Variants in GRIP1 observed in about 807,000 individuals in gnomAD.
The protein encoded by GRIP1 is glutamate receptor interacting protein 1.
A neutral mutation model predicts 129.9 loss-of-function variants in GRIP1; 45 were observed. The ratio of observed to expected loss-of-function variants is 0.35; its 90% CI spans 0.27 to 0.44. GRIP1 has a LOEUF of 0.44. GRIP1 is among the 20% of genes least tolerant of loss of function. The pLI is 1.00. For missense variants in GRIP1, 1,196 were observed against 1,396.8 expected, an observed-to-expected ratio of 0.86 and a Z score of 2.29; for synonymous variants, 530 against 520.8, an observed-to-expected ratio of 1.02 and a Z score of -0.24.
intron 1 of GRIP1, among the ~76,000 whole-genome samples, chr12:66,771,395 C>A (rs138037900): frequency 5.3e-5 from 8 of 152,286 alleles, no homozygotes; most frequent in African/African-American, 1.2e-4. Flanking sequence ...CAAGACCTTG[C>A]ACAGACACAA....
chr12:66,515,492 A>G (rs2060818605), intron 7 of GRIP1, 127 bp downstream of exon 7: 7 of 875,992 alleles, frequency 8.0e-6, no homozygotes, highest in Middle Eastern at 2.2e-4. Context: ...GTAAAATGAT[A>G]TAGTATTTAT....
At chr12:66,984,302 T>A (rs1304166550) in intron 1 of GRIP1, among the ~76,000 whole-genome samples, 1 of 152,150 alleles carries the variant, frequency 6.6e-6, no homozygotes, top group African/African-American at 2.4e-5. Flanking sequence ...CGAAGATAAA[T>A]CTGGAACTAG....
At chr12:66,868,699 C>A (rs1468641410) in intron 1 of GRIP1, among the ~76,000 whole-genome samples, 1 of 151,998 alleles carries the variant, frequency 6.6e-6, no homozygotes, top group East Asian at 1.9e-4. Flanking sequence ...TGAGTCCTTA[C>A]TGTGGCCATT....
chr12:66,455,599 T>A (rs754067890), intron 10 of GRIP1, 35 bp from the exon 11 acceptor site: 3 of 1,603,352 alleles, frequency 1.9e-6, no homozygotes, highest in South Asian at 1.1e-5. Context: ...CAGAGCACTC[T>A]CAGGTGAGGT....
rs372286482 is a variant in GRIP1 at position 66,445,344 on chromosome 12, C to T, written c.1519G>A (p.Glu507Lys). Residue 507 changes from glutamate to lysine, a missense_variant, in exon 12 of 25, where the codon GAA (glutamate) becomes AAA (lysine). Physicochemically the swap from Glu to Lys is moderately conservative, Grantham distance 56 (BLOSUM62 1). Around this residue, in one of 5 missense-constraint regions of GRIP1, gnomAD observed 508 missense variants for 587.0 expected, o/e 0.87. Transcript: ENST00000359742. The part of the protein sequence containing the change: ...LSSPPLISYI[E>K]ADSPAERCGV... ...CACCTCTCTGCTGGGCTGTCAGCTTCGATATAGGAAATCAGAGGTGGAGAA... is the reference window on the plus strand; with the variant it reads ...CACCTCTCTGCTGGGCTGTCAGCTTTGATATAGGAAATCAGAGGTGGAGAA... 1.4e-4 allele frequency: 233 copies of T among 1,613,988 alleles called. No individual in the cohort carries two copies. Among genetic ancestry groups the T allele is most frequent in the Non-Finnish European group, 1.8e-4 (218 of 1,179,988 alleles).
intron 1 of GRIP1, among the ~76,000 whole-genome samples, chr12:66,706,085 C>G (rs1296356664): frequency 6.6e-6 from 1 of 152,138 alleles, no homozygotes; most frequent in Admixed American, 6.5e-5. Flanking sequence ...AGCTTCTGCA[C>G]AGCAAAAGAA....
At chr12:66,369,262 G>C (rs973433998) in intron 23 of GRIP1, among the ~76,000 whole-genome samples, 2 of 150,466 alleles carry the variant, frequency 1.3e-5, no homozygotes, top group Non-Finnish European at 3.0e-5. Context: ...CTGCCACACA[G>C]ATGTTCCAAC....
intron 2 of GRIP1, among the ~76,000 whole-genome samples, chr12:66,580,924 GA>G (rs1321709861): frequency 1.3e-5 from 2 of 151,966 alleles, no homozygotes; most frequent in Non-Finnish European, 2.9e-5. Context: ...GACATCTACA[GA>G]ACTCTCCACC....
intron 7 of GRIP1, among the ~76,000 whole-genome samples, chr12:66,475,672 A>T (rs1415848961): frequency 6.6e-6 from 1 of 152,146 alleles, no homozygotes; most frequent in Non-Finnish European, 1.5e-5. Context: ...GGATTAAGAA[A>T]CTCACTCAAA....
At chr12:67,021,365 G>T (rs1022914010) in intron 1 of GRIP1, among the ~76,000 whole-genome samples, 1 of 152,122 alleles carries the variant, frequency 6.6e-6, no homozygotes, top group Admixed American at 6.5e-5. Context: ...ATGAGATCAT[G>T]CAGTAAACAT....
At chr12:66,367,702 C>T (rs2055232745) in intron 23 of GRIP1, among the ~76,000 whole-genome samples, 1 of 152,186 alleles carries the variant, frequency 6.6e-6, no homozygotes, top group Admixed American at 6.5e-5. Context: ...GTTTCATTCA[C>T]ATATATGAGT....
At chr12:66,473,108 A>G (rs2059488020) in intron 7 of GRIP1, among the ~76,000 whole-genome samples, 1 of 152,058 alleles carries the variant, frequency 6.6e-6, no homozygotes, top group South Asian at 2.1e-4. Flanking sequence ...ATAGCAGTCT[A>G]GAGTCGACTT....
chr12:66,419,966 G>A (rs907674598), intron 15 of GRIP1, among the ~76,000 whole-genome samples: 3 of 152,150 alleles, frequency 2.0e-5, no homozygotes, highest in African/African-American at 7.2e-5. Flanking sequence ...GCATGGCGGT[G>A]TGCACCTGTA....
intron 7 of GRIP1, among the ~76,000 whole-genome samples, chr12:66,474,191 T>C (rs932122068): frequency 6.6e-6 from 1 of 151,798 alleles, no homozygotes; most frequent in African/African-American, 2.4e-5. Context: ...CATACGGAAG[T>C]ATCAATAGCC....
Position 66,925,592 on chromosome 12 carries a change from A to G in GRIP1, c.58+143458T>C, listed in dbSNP as rs137876636. 3.0e-3 allele frequency among the ~76,000 whole-genome samples: 460 copies of G among 152,358 alleles called. 4 individuals carry two copies. Among genetic ancestry groups the G allele is most frequent in the African/African-American group, 0.01 (433 of 41,590 alleles). ...AACCTGGAGAATATACTACGAATAT[A>G]GATTATACTATAATCTACTACAATA... On this transcript the variant is annotated intron_variant, in intron 1 of 1. Coordinates refer to the GRIP1 transcript ENST00000643019.
intron 1 of GRIP1, among the ~76,000 whole-genome samples, chr12:66,726,773 G>A (rs2036268591): frequency 6.6e-6 from 1 of 152,172 alleles, no homozygotes. Flanking sequence ...TGAGCTGGAA[G>A]AATTTGAGGC....
intron 7 of GRIP1, among the ~76,000 whole-genome samples, chr12:66,468,305 C>T (rs1487347504): frequency 3.9e-5 from 6 of 152,192 alleles, no homozygotes; most frequent in Non-Finnish European, 8.8e-5. Flanking sequence ...GGCATCAAGC[C>T]ATGAGATAGA....
chr12:66,580,265 C>G (rs1331965033), intron 2 of GRIP1, among the ~76,000 whole-genome samples: 8 of 151,068 alleles, frequency 5.3e-5, no homozygotes, highest in Admixed American at 5.3e-4. Flanking sequence ...AAGCACTAAA[C>G]ATGGAAAGGA....
intron 1 of GRIP1, among the ~76,000 whole-genome samples, chr12:66,731,038 A>G (rs975017697): frequency 6.6e-6 from 1 of 151,284 alleles, no homozygotes; most frequent in African/African-American, 2.4e-5. Context: ...CTATAAGCCT[A>G]CTCTTCTGGC....
Sources: allele counts gnomAD v4.1 joint callset (sites outside exome capture counted in the v4.1 genomes callset), GRCh38; gene constraint gnomAD v4.1.1; regional missense constraint gnomAD v4.1.1; transcripts MANE v1.5; gene names NCBI Gene and HGNC (gene_info 2026-07-23, HGNC 2026-07-21).